Variants in PPP2R5A observed in about 807,000 individuals in gnomAD.
PPP2R5A encodes the protein protein phosphatase 2 regulatory subunit B'alpha, also known as serine/threonine-protein phosphatase 2A 56 kDa regulatory subunit alpha isoform.
In PPP2R5A, 25 loss-of-function variants were observed where a neutral mutation model predicts 64.2. The observed-to-expected ratio is 0.39, with a 90% CI of 0.28 to 0.54. The LOEUF (loss-of-function observed/expected upper bound fraction) is 0.54. PPP2R5A is among the 20% of genes least tolerant of loss of function. The probability of loss-of-function intolerance (pLI) is 0.67; values close to 1 mark genes in which losing one functional copy is unlikely to be tolerated. For synonymous variants in PPP2R5A, 198 were observed against 201.2 expected, an observed-to-expected ratio of 0.98 and a Z score of 0.13; for missense variants, 425 against 576.3, an observed-to-expected ratio of 0.74 and a Z score of 2.69.
At chr1:212,327,555 C>T (rs1320423936) in intron 1 of PPP2R5A, among the ~76,000 whole-genome samples, 6 of 152,038 alleles carry the variant, frequency 3.9e-5, no homozygotes, top group Non-Finnish European at 8.8e-5. Context: ...GCTGGGATTA[C>T]AGGCGCCCGC....
intron 1 of PPP2R5A, among the ~76,000 whole-genome samples, chr1:212,313,403 C>T (rs182623727): frequency 6.6e-6 from 1 of 152,130 alleles, no homozygotes; most frequent in Non-Finnish European, 1.5e-5. Flanking sequence ...TACATACTTA[C>T]ATTTTTTTGG....
At chr1:212,304,558 A>C (rs903048156) in intron 1 of PPP2R5A, among the ~76,000 whole-genome samples, 1 of 151,768 alleles carries the variant, frequency 6.6e-6, no homozygotes, top group African/African-American at 2.4e-5. Context: ...TCAAAAACAA[A>C]CAAAAAAAGA....
intron 1 of PPP2R5A, among the ~76,000 whole-genome samples, chr1:212,289,493 C>G (rs1174012302): frequency 6.6e-6 from 1 of 152,142 alleles, no homozygotes; most frequent in East Asian, 1.9e-4. Context: ...GACACTGGGA[C>G]CTAGGTCAAA....
At chr1:212,309,731 T>A (rs1360352209) in intron 1 of PPP2R5A, among the ~76,000 whole-genome samples, 1 of 152,186 alleles carries the variant, frequency 6.6e-6, no homozygotes, top group Admixed American at 6.5e-5. Context: ...ATAACAGGTA[T>A]CCAACCTTTT....
rs528269132 is a variant in PPP2R5A, at chr1:212,356,663, G to A, written c.965G>A (p.Cys322Tyr). The stretch of plus-strand genomic sequence containing the variant: ...CTGCTGAAATTTTGGCCAAAAACCT[G>A]CAGTCAGAAAGAGGTGGGTTTTGTT... The part of the protein sequence containing the change: ...RGLLKFWPKT[C>Y]SQKEVMFLGE... Residue 322 changes from cysteine (C) to tyrosine (Y), a missense_variant, in exon 9 of 13, where the codon TGC becomes TAC. This residue lies in a region of PPP2R5A where 177 missense variants were observed against 244.8 expected (regional missense o/e 0.72). Transcript: ENST00000261461. 1.9e-6 allele frequency: 3 copies of A among 1,612,720 alleles called. No homozygotes were observed. The South Asian group carries it at 3.3e-5, about 18-fold the overall frequency.
intron 4 of PPP2R5A, among the ~76,000 whole-genome samples, chr1:212,343,863 T>A (rs12726409): frequency 0.17 from 25,320 of 152,180 alleles, 2,552 homozygotes; most frequent in Middle Eastern, 0.3. Flanking sequence ...TTTAAGCTGC[T>A]GTATTATTTT....
At chr1:212,304,948 G>A (rs1462135326) in intron 1 of PPP2R5A, among the ~76,000 whole-genome samples, 2 of 151,418 alleles carry the variant, frequency 1.3e-5, no homozygotes, top group African/African-American at 4.9e-5. Flanking sequence ...GGCCAGGATG[G>A]TCTTGATCTC....
Position 212,360,975 on chromosome 1 carries a change from G to T in PPP2R5A, c.*205G>T. The T allele has an allele frequency of 2.8e-6, 1 of 354,690 alleles. No individual in the cohort carries two copies. 22.0% of individuals were successfully genotyped at this position (354,690 alleles called of 1,614,324 possible). A position where few individuals can be genotyped will look rare whatever the true frequency, so the allele number is the denominator to read the frequency against. On this transcript the variant is annotated 3_prime_UTR_variant, in exon 13 of 13. Transcript: ENST00000261461. The stretch of plus-strand genomic sequence containing the variant: ...ATATTGTAACCTTTGTCTAATCATT[G>T]GATTTATTGTGTCACTTCTGAAGTT...
At chr1:212,288,581 ACTT>A (rs1287138349) in intron 1 of PPP2R5A, among the ~76,000 whole-genome samples, 1 of 152,152 alleles carries the variant, frequency 6.6e-6, no homozygotes, top group African/African-American at 2.4e-5. Flanking sequence ...AATAGGAACA[ACTT>A]CTTTTACTCC....
chr1:212,342,630 C>G (rs571625074), intron 4 of PPP2R5A, among the ~76,000 whole-genome samples: 1 of 152,262 alleles, frequency 6.6e-6, no homozygotes, highest in East Asian at 1.9e-4. Context: ...AGTCTTTGAA[C>G]TTGACATATA....
Position 212,345,704 on chromosome 1 carries a change from A to T in PPP2R5A, c.574-99A>T, listed in dbSNP as rs968370126. The T allele has an allele frequency of 8.2e-6, 11 of 1,333,930 alleles. No individual in the cohort carries two copies. The East Asian group carries it at 2.5e-4, about 31-fold the overall frequency. 82.6% of individuals were successfully genotyped at this position (1,333,930 alleles called of 1,614,324 possible). A position where few individuals can be genotyped will look rare whatever the true frequency, so the allele number is the denominator to read the frequency against. On this transcript the variant is annotated intron_variant, in intron 4 of 12. Coordinates refer to ENST00000261461, the MANE Select transcript of PPP2R5A (RefSeq NM_006243.4). ...GTGTGGTAAGGAAGAACTCTAAAAAATTTTTAAAAGATGTCATGGATAATC... is the reference window on the plus strand; with the variant it reads ...GTGTGGTAAGGAAGAACTCTAAAAATTTTTTAAAAGATGTCATGGATAATC...
In PPP2R5A at chr1:212,305,390, G is replaced by A. The variant is rs978130164; in HGVS notation, c.181+19099G>A. Among the ~76,000 whole-genome samples, 17 of 152,108 alleles carry A rather than the reference G, an allele frequency of 1.1e-4. No individual in the cohort carries two copies. The South Asian group carries it at 1.3e-3, about 11-fold the overall frequency. ...CCTTTGTGGTCAGAGAACATAGTTT[G>A]TATTTCTGTTCTTTTAAAATTTTTG... On this transcript the variant is annotated intron_variant, in intron 1 of 12. Transcript: ENST00000261461.
At chr1:212,298,837 C>A (rs1458012238) in intron 1 of PPP2R5A, among the ~76,000 whole-genome samples, 2 of 34,906 alleles carry the variant, frequency 5.7e-5, no homozygotes, top group Non-Finnish European at 5.3e-5. Flanking sequence ...CGGGCAGAGG[C>A]GCCCCTCACC....
chr1:212,289,905 A>C (rs1267058624), intron 1 of PPP2R5A, among the ~76,000 whole-genome samples: 1 of 152,232 alleles, frequency 6.6e-6, no homozygotes, highest in Non-Finnish European at 1.5e-5. Context: ...ACGAGTGTAG[A>C]AATGGAAATA....
chr1:212,320,098 C>T (rs562492332), intron 1 of PPP2R5A, among the ~76,000 whole-genome samples: 131 of 151,706 alleles, frequency 8.6e-4, no homozygotes, highest in African/African-American at 2.9e-3. Flanking sequence ...TGCGGCCTTC[C>T]GCAGTGTTTG....
At chr1:212,360,448 A>G (rs747298308) in intron 12 of PPP2R5A, among the ~76,000 whole-genome samples, 190 bp from the exon 13 acceptor site, 1 of 152,210 alleles carries the variant, frequency 6.6e-6, no homozygotes, top group Non-Finnish European at 1.5e-5. Flanking sequence ...CAGGAGATGC[A>G]CAGACTCAGT....
chr1:212,290,157 T>C (rs1049838874), intron 1 of PPP2R5A, among the ~76,000 whole-genome samples: 1 of 152,196 alleles, frequency 6.6e-6, no homozygotes, highest in Non-Finnish European at 1.5e-5. Flanking sequence ...TGTGTCCCAC[T>C]AGAGGTATTG....
At chr1:212,292,648 C>T (rs1461652078) in intron 1 of PPP2R5A, among the ~76,000 whole-genome samples, 5 of 152,180 alleles carry the variant, frequency 3.3e-5, no homozygotes, top group Non-Finnish European at 5.9e-5. Context: ...TTGTAACTTA[C>T]TGCAGCCTCA....
At chr1:212,351,674 G>A (rs1278114325) in intron 8 of PPP2R5A, among the ~76,000 whole-genome samples, 5 of 152,142 alleles carry the variant, frequency 3.3e-5, no homozygotes, top group Non-Finnish European at 7.3e-5. Context: ...AGGTTGCAGT[G>A]AGCCGAGATC....
Sources: gnomAD v4.1 joint callset for allele counts (sites outside exome capture counted in the v4.1 genomes callset) on GRCh38, gnomAD v4.1.1 for gene constraint, gnomAD v4.1.1 regional missense constraint, MANE v1.5 for transcripts, NCBI Gene and HGNC (gene_info 2026-07-23, HGNC 2026-07-21) for gene names.